The following IFT122 variants were observed in gnomAD, a reference collection of about 807,000 sequenced individuals.
The protein encoded by IFT122 is intraflagellar transport protein 122 homolog.
A neutral mutation model predicts 161.6 loss-of-function variants in IFT122; 118 were observed. That is an observed-to-expected ratio of 0.73 (90% CI 0.63 to 0.85). The LOEUF (loss-of-function observed/expected upper bound fraction) is 0.85, where lower values mean the gene tolerates loss of function less well. IFT122 is among the 40% of genes least tolerant of loss of function. The pLI is 0.00. For synonymous variants in IFT122, 550 were observed against 602.4 expected, an observed-to-expected ratio of 0.91 and a Z score of 1.27; for missense variants, 1,381 against 1,579.6, an observed-to-expected ratio of 0.87 and a Z score of 2.13.
Position 129,483,548 on chromosome 3 carries a change from G to A in IFT122, c.1717G>A (p.Gly573Arg). The change falls in exon 15 of 30, where the codon GGA becomes AGA. Residue 573 changes from glycine (G) to arginine (R), a missense_variant. Gly to Arg is a moderately radical substitution (Grantham distance 125). Around this residue, in one of 7 missense-constraint regions of IFT122, gnomAD observed 544 missense variants for 648.0 expected, o/e 0.84. Transcript: ENST00000348417. ...TGAGGACATGCTCTGCTTCTCGGGAGGAGGCTACCTCAACATCAAAGCCAG... is the reference window on the plus strand; with the variant it reads ...TGAGGACATGCTCTGCTTCTCGGGAAGAGGCTACCTCAACATCAAAGCCAG... ...QCEDMLCFSG[G>R]GYLNIKASTF... 1 of 1,614,104 alleles carries A rather than the reference G, an allele frequency of 6.2e-7. No individual in the cohort carries two copies. The highest frequency in any genetic ancestry group is 1.7e-5 in the Admixed American group (1 of 60,006).
In IFT122 at chr3:129,499,912, G is replaced by T; in HGVS notation, c.2219G>T (p.Gly740Val). ...GTTGTGCTTCCTCAGGATTTCCTTGGATCTGGAGACCCCAAAGAAACAAAG... is the reference window on the plus strand; with the variant it reads ...GTTGTGCTTCCTCAGGATTTCCTTGTATCTGGAGACCCCAAAGAAACAAAG... ...CMFEYAKDFL[G>V]SGDPKETKML... Residue 740 changes from glycine to valine, a missense_variant, in exon 19 of 30, where the codon GGA becomes GTA. By Grantham distance (109) the Gly-to-Val change is moderately radical. This residue lies in a region of IFT122 where 496 missense variants were observed against 502.5 expected (regional missense o/e 0.99). Transcript: ENST00000348417. 1 of 1,614,122 alleles carries T rather than the reference G, an allele frequency of 6.2e-7. No individual in the cohort carries two copies. Among genetic ancestry groups the T allele is most frequent in the Non-Finnish European group, 8.5e-7 (1 of 1,180,006 alleles).
At chr3:129,516,588 G>C (rs2083731999) in intron 26 of IFT122, among the ~76,000 whole-genome samples, 1 of 99,798 alleles carries the variant, frequency 1.0e-5, no homozygotes, top group Non-Finnish European at 1.9e-5. Context: ...CAGAGAGACT[G>C]CCCCTGCACA....
At chr3:129,506,617 G>T (rs2082218116) in intron 22 of IFT122, 68 bp downstream of exon 22, 1 of 1,602,172 alleles carries the variant, frequency 6.2e-7, no homozygotes, top group Admixed American at 1.7e-5. Flanking sequence ...AACATCAGAA[G>T]AGCTGGGACA....
At chr3:129,462,021 C>T (rs1577374717) in intron 5 of IFT122, among the ~76,000 whole-genome samples, 1 of 152,310 alleles carries the variant, frequency 6.6e-6, no homozygotes, top group African/African-American at 2.4e-5. Flanking sequence ...GAGTCAGAGG[C>T]CTAATCCCTC....
intron 15 of IFT122, 61 bp downstream of exon 15, chr3:129,483,743 G>A (rs2078941543): frequency 6.8e-7 from 1 of 1,465,256 alleles, no homozygotes; most frequent in African/African-American, 1.4e-5. Context: ...AGGGAAGCTG[G>A]GCCCTTTGCT....
At chr3:129,511,662 C>T (rs113102204) in intron 23 of IFT122, among the ~76,000 whole-genome samples, 10 of 152,338 alleles carry the variant, frequency 6.6e-5, no homozygotes, top group South Asian at 4.1e-4. Context: ...CCTCTAGGTA[C>T]GAAGACCAAT....
At chr3:129,456,163 A>G (rs908781208) in intron 3 of IFT122, 44 of 973,786 alleles carry the variant, frequency 4.5e-5, no homozygotes, top group Non-Finnish European at 6.3e-5. Flanking sequence ...CTGGTCAGTG[A>G]GATCTCTAGG....
At chr3:129,452,316 A>T in intron 3 of IFT122, 1 of 359,922 alleles carries the variant, frequency 2.8e-6, no homozygotes, top group South Asian at 2.4e-5. Flanking sequence ...GACATACAGT[A>T]AACATAGTAA....
At chr3:129,505,096 T>C (rs1460819323) in intron 21 of IFT122, among the ~76,000 whole-genome samples, 1 of 152,232 alleles carries the variant, frequency 6.6e-6, no homozygotes, top group Non-Finnish European at 1.5e-5. Flanking sequence ...GACTTCCCTC[T>C]CTGTGTCAGG....
rs976088401 is a variant in IFT122, at chr3:129,520,457, G to A, written c.*192G>A. 1.1e-5 allele frequency: 7 copies of A among 651,622 alleles called. No homozygotes were observed. The highest frequency in any genetic ancestry group is 4.4e-5 in the Admixed American group (2 of 45,530). The allele number at this position is 651,622 out of a possible 1,614,324, so 40.4% of individuals were successfully genotyped here. On this transcript the variant is annotated 3_prime_UTR_variant, in exon 30 of 30. Transcript: ENST00000348417. ...TGCCTTGTAAATAGCACCAGGAGAT[G>A]AGGAAGAGAATGTACATATATTTTC...
chr3:129,452,939 T>A (rs1191392374), intron 3 of IFT122, among the ~76,000 whole-genome samples: 2 of 152,100 alleles, frequency 1.3e-5, no homozygotes, highest in African/African-American at 4.8e-5. Context: ...CCAACTGGAT[T>A]GTCTGACAGA....
chr3:129,468,946 A>G (rs2077082262), intron 8 of IFT122, among the ~76,000 whole-genome samples: 1 of 152,232 alleles, frequency 6.6e-6, no homozygotes, highest in African/African-American at 2.4e-5. Context: ...TTTGTGCTGC[A>G]AGAGATGTTT....
intron 1 of IFT122, among the ~76,000 whole-genome samples, 159 bp from the exon 2 acceptor site, chr3:129,449,712 G>A (rs181542062): frequency 1.8e-4 from 27 of 152,324 alleles, no homozygotes; most frequent in Non-Finnish European, 2.9e-4. Context: ...GTGGTGTGGC[G>A]GTTGAATGGA....
At position 129,478,128 on chromosome 3, in the gene IFT122, A is replaced by C. The variant is rs765299204; in HGVS notation, c.1260A>C (p.Ser420=). Residue 420 remains serine, a synonymous_variant, in exon 12 of 30, where the codon TCA becomes TCC. Transcript: ENST00000348417. ...LIYELYSEDL[S]DMHYRVKEKI... ...ATGAGTTGTATTCAGAGGACTTATCAGACATGCATTACCGGGTAAAGGAGA... is the reference window on the plus strand; with the variant it reads ...ATGAGTTGTATTCAGAGGACTTATCCGACATGCATTACCGGGTAAAGGAGA... 1 of 1,614,194 alleles carries C rather than the reference A, an allele frequency of 6.2e-7. No homozygotes were observed. Among genetic ancestry groups the C allele is most frequent in the Non-Finnish European group, 8.5e-7 (1 of 1,180,000 alleles).
intron 17 of IFT122, among the ~76,000 whole-genome samples, chr3:129,493,688 G>T (rs956491707): frequency 1.4e-4 from 21 of 152,326 alleles, no homozygotes; most frequent in Admixed American, 5.9e-4. Context: ...GTGGTAAAGG[G>T]CTTGTTCGGA....
intron 7 of IFT122, among the ~76,000 whole-genome samples, chr3:129,465,637 ATTTT>A (rs774334400): frequency 9.1e-6 from 1 of 109,388 alleles, no homozygotes; most frequent in Admixed American, 9.3e-5. Flanking sequence ...CGCCTGGCTA[ATTTT>A]TTTTTTTTTT....
chr3:129,501,278 G>A (rs1434108393), intron 19 of IFT122, among the ~76,000 whole-genome samples: 1 of 152,124 alleles, frequency 6.6e-6, no homozygotes, highest in Non-Finnish European at 1.5e-5. Flanking sequence ...CTCAGGCTGG[G>A]TCCTAAAGGC....
chr3:129,478,271 C>G (rs567468176), intron 12 of IFT122, 53 bp downstream of exon 12: 47 of 1,506,030 alleles, frequency 3.1e-5, no homozygotes, highest in African/African-American at 1.6e-4. Flanking sequence ...GTGCTCCCCC[C>G]CCAGTGATAG....
At chr3:129,466,794 C>T (rs904696872) in intron 7 of IFT122, 96 bp from the exon 8 acceptor site, 40 of 1,201,044 alleles carry the variant, frequency 3.3e-5, no homozygotes, top group Non-Finnish European at 4.8e-5. Flanking sequence ...TGAGTCACTG[C>T]ACCTGGCCCC....
Sources: allele counts gnomAD v4.1 joint callset (sites outside exome capture counted in the v4.1 genomes callset), GRCh38; gene constraint gnomAD v4.1.1; regional missense constraint gnomAD v4.1.1; transcripts MANE v1.5; gene names NCBI Gene and HGNC (gene_info 2026-07-23, HGNC 2026-07-21).